ARHGEF10: variants seen among roughly 807,000 people sequenced by gnomAD.
The protein encoded by ARHGEF10 is Rho guanine nucleotide exchange factor (GEF) 10.
ARHGEF10 carries 140 observed loss-of-function variants against 147.4 expected under a neutral mutation model. The ratio of observed to expected loss-of-function variants is 0.95; its 90% CI spans 0.83 to 1.09. ARHGEF10 has a LOEUF of 1.09. Ranked by LOEUF, ARHGEF10 falls within the 50% of genes least tolerant of loss-of-function variation. ARHGEF10 has a pLI of 0.00. For synonymous variants in ARHGEF10, 902 were observed against 695.8 expected, an observed-to-expected ratio of 1.30 and a Z score of -4.67; for missense variants, 2,222 against 1,752.7, an observed-to-expected ratio of 1.27 and a Z score of -4.78.
chr8:1,955,081 TCTCA>T (rs1815392782), intron 28 of ARHGEF10, among the ~76,000 whole-genome samples: 1 of 102,936 alleles, frequency 9.7e-6, no homozygotes, highest in Non-Finnish European at 2.0e-5. Context: ...GGAGGTGCAC[TCTCA>T]CTGTTCCTCT....
chr8:1,824,998 A>C (rs980460811), intron 1 of ARHGEF10, among the ~76,000 whole-genome samples: 1 of 13,162 alleles, frequency 7.6e-5, no homozygotes, highest in Non-Finnish European at 1.4e-4. Context: ...TCCTCCCCAC[A>C]CCCCACCTGT....
At position 1,849,020 on chromosome 8, in the gene ARHGEF10, G is replaced by A. The variant is rs1412737012; in HGVS notation, c.37+5584G>A. 2.0e-5 allele frequency among the ~76,000 whole-genome samples: 3 copies of A among 152,256 alleles called. No homozygotes were observed. In the East Asian group the frequency reaches 5.8e-4, roughly 29 times the overall value. Reference sequence around the variant, plus strand: ...CTTGTAAAGCTCCGTGGCTTTTACTGTATTCACAAGCATGTAGGACCATCA... The same window carrying A: ...CTTGTAAAGCTCCGTGGCTTTTACTATATTCACAAGCATGTAGGACCATCA... On this transcript the variant is annotated intron_variant, in intron 2 of 28. Coordinates refer to ENST00000349830, the MANE Select transcript of ARHGEF10 (RefSeq NM_014629.4).
intron 26 of ARHGEF10, 30 bp from the exon 27 acceptor site, chr8:1,945,451 G>C: frequency 6.4e-7 from 1 of 1,562,158 alleles, no homozygotes; most frequent in Non-Finnish European, 8.7e-7. Flanking sequence ...ACTCCACGGG[G>C]CTAGCAGACT....
chr8:1,935,761 A>G (rs558161697), intron 26 of ARHGEF10, among the ~76,000 whole-genome samples: 1 of 152,350 alleles, frequency 6.6e-6, no homozygotes, highest in Non-Finnish European at 1.5e-5. Context: ...TCCTAAATGC[A>G]TGTGCATGGG....
At chr8:1,823,772 G>A (rs938406597), upstream of ARHGEF10, among the ~76,000 whole-genome samples, 5 of 151,892 alleles carry the variant, frequency 3.3e-5, no homozygotes, top group South Asian at 2.1e-4. Context: ...GGCAGCGGGA[G>A]GGGGCGCGGG....
chr8:1,839,237 T>C (rs552750860), intron 1 of ARHGEF10, among the ~76,000 whole-genome samples: 25 of 146,524 alleles, frequency 1.7e-4, no homozygotes, highest in South Asian at 8.9e-4. Context: ...GGAAGCTGTC[T>C]GGTGTGGGGA....
chr8:1,882,047 G>C (rs1160313122), intron 9 of ARHGEF10, among the ~76,000 whole-genome samples: 1 of 152,202 alleles, frequency 6.6e-6, no homozygotes, highest in African/African-American at 2.4e-5. Context: ...CCCCAGGCCA[G>C]GGGGACATGG....
chr8:1,921,089 C>G (rs535609723), intron 18 of ARHGEF10, among the ~76,000 whole-genome samples: 2 of 152,088 alleles, frequency 1.3e-5, no homozygotes, highest in Non-Finnish European at 2.9e-5. Flanking sequence ...CCTGGCCGCT[C>G]CCTTTGTTAC....
Position 1,841,101 on chromosome 8 carries a change from C to T in ARHGEF10, c.-47-2252C>T, listed in dbSNP as rs187583647. Among the ~76,000 whole-genome samples, 11 of 152,240 alleles carry T rather than the reference C, an allele frequency of 7.2e-5. No homozygotes were observed. In the East Asian group the frequency reaches 1.2e-3, roughly 16 times the overall value. Reference sequence around the variant, plus strand: ...GCTCTGGGTGCTCGCATCAGCCACCCGCCCTCAGCTGTAGCCTTCGCGTCA... The same window carrying T: ...GCTCTGGGTGCTCGCATCAGCCACCTGCCCTCAGCTGTAGCCTTCGCGTCA... On this transcript the variant is annotated intron_variant, in intron 1 of 28. Coordinates refer to ENST00000349830, the MANE Select transcript of ARHGEF10 (RefSeq NM_014629.4).
rs541115378 is a variant in ARHGEF10, at chr8:1,903,147, G to T, written c.1651-134G>T. ...CACTCAGCTCATCATCCCTTCCCAA[G>T]AACTGACTTTATTTTTCCCCAGGAT... is the stretch of plus-strand genomic sequence containing the variant. On this transcript the variant is annotated intron_variant, in intron 15 of 28. Coordinates refer to ENST00000349830, the MANE Select transcript of ARHGEF10 (RefSeq NM_014629.4). The T allele has an allele frequency of 2.7e-5, 31 of 1,162,026 alleles. 1 individual carries two copies. The South Asian group carries it at 3.6e-4, about 13-fold the overall frequency. 72.0% of individuals were successfully genotyped at this position (1,162,026 alleles called of 1,614,324 possible).
Position 1,893,553 on chromosome 8 carries a change from TC to T in ARHGEF10, c.1183-14del. ...TAAAGCAGTTTTCTATCATTGTACT[TC>T]CAAATTTCCAACAGGTTGTAAGAAG... On this transcript the variant is annotated splice_polypyrimidine_tract_variant and intron_variant, in intron 11 of 28. Transcript: ENST00000349830. 6.3e-7 allele frequency: 1 copy of T among 1,596,072 alleles called. No homozygotes were observed. Among genetic ancestry groups the T allele is most frequent in the Non-Finnish European group, 8.6e-7 (1 of 1,163,756 alleles).
intron 7 of ARHGEF10, among the ~76,000 whole-genome samples, chr8:1,874,167 G>A (rs868411706): frequency 1.3e-5 from 2 of 152,194 alleles, no homozygotes; most frequent in South Asian, 4.1e-4. Flanking sequence ...TGAATTGATG[G>A]TTAGCAAGAC....
chr8:1,848,475 A>G (rs1804725923), intron 2 of ARHGEF10, among the ~76,000 whole-genome samples: 1 of 152,196 alleles, frequency 6.6e-6, no homozygotes, highest in Non-Finnish European at 1.5e-5. Context: ...ATAACACAGC[A>G]GGATGGGAGA....
chr8:1,845,719 CGG>C (rs1804506970), intron 2 of ARHGEF10, among the ~76,000 whole-genome samples: 4 of 152,214 alleles, frequency 2.6e-5, no homozygotes, highest in South Asian at 4.1e-4. Flanking sequence ...CTCTGCCCAG[CGG>C]TACCACCACC....
intron 27 of ARHGEF10, among the ~76,000 whole-genome samples, chr8:1,951,773 G>A (rs1420955327): frequency 1.3e-5 from 2 of 152,232 alleles, no homozygotes; most frequent in Non-Finnish European, 2.9e-5. Flanking sequence ...GTGTGTGAAG[G>A]CCGCGATGCT....
Position 1,882,749 on chromosome 8 carries a change from G to A in ARHGEF10, c.1075G>A (p.Asp359Asn). Reference protein sequence around the residue: ...FIRTKSLIAQDHRSSLEEEQN... With the variant: ...FIRTKSLIAQNHRSSLEEEQN... The stretch of plus-strand genomic sequence containing the variant: ...CAGGACCAAGTCTCTCATCGCACAG[G>A]GTCCGTGCCTGCAGGTCTTCTTGCG... The change falls in exon 10 of 29, where the codon GAT (aspartate) becomes AAT (asparagine). Residue 359 changes from aspartate (D) to asparagine (N), a missense_variant and splice_region_variant. By Grantham distance (23) the Asp-to-Asn change is conservative (BLOSUM62 1). Transcript: ENST00000349830. 6.5e-7 allele frequency: 1 copy of A among 1,550,156 alleles called. No individual in the cohort carries two copies. The highest frequency in any genetic ancestry group is 8.7e-7 in the Non-Finnish European group (1 of 1,146,542).
intron 27 of ARHGEF10, among the ~76,000 whole-genome samples, chr8:1,946,409 G>C (rs963311032): frequency 6.6e-6 from 1 of 152,194 alleles, no homozygotes; most frequent in Non-Finnish European, 1.5e-5. Flanking sequence ...CTGCCCCTCC[G>C]CGTTCTGGAG....
chr8:1,943,371 G>C (rs534379522), intron 26 of ARHGEF10, among the ~76,000 whole-genome samples: 1 of 152,308 alleles, frequency 6.6e-6, no homozygotes, highest in African/African-American at 2.4e-5. Flanking sequence ...GCCAGATTCA[G>C]GGAGCTCTGC....
intron 13 of ARHGEF10, among the ~76,000 whole-genome samples, chr8:1,894,984 G>C (rs1248631333): frequency 6.6e-6 from 1 of 152,200 alleles, no homozygotes; most frequent in Non-Finnish European, 1.5e-5. Context: ...CTTTCTGGGT[G>C]CAGAATTATC....
Sources: gnomAD v4.1 joint callset for allele counts (sites outside exome capture counted in the v4.1 genomes callset) on GRCh38, gnomAD v4.1.1 for gene constraint, MANE v1.5 for transcripts, NCBI Gene and HGNC (gene_info 2026-07-23, HGNC 2026-07-21) for gene names.